LUZP2: variants seen among roughly 807,000 people sequenced by gnomAD.
LUZP2 encodes the protein leucine zipper protein 2.
In LUZP2, 52 loss-of-function variants were observed where a neutral mutation model predicts 51.6. That is an observed-to-expected ratio of 1.01 (90% CI 0.81 to 1.27). LUZP2 has a LOEUF of 1.27. LUZP2 is among the 50% of genes most tolerant of loss of function. LUZP2 has a pLI of 0.00. For synonymous variants in LUZP2, 154 were observed against 137.3 expected (o/e 1.12, Z -0.85); for missense variants, 436 against 395.4 (o/e 1.10, Z -0.87).
rs1256422188 is a variant in LUZP2, at chr11:24,991,376, A to G, written c.765+8083A>G. 6.3e-4 allele frequency among the ~76,000 whole-genome samples: 79 copies of G among 126,212 alleles called. 1 individual carries two copies. The highest frequency in any genetic ancestry group is 2.0e-3 in the African/African-American group (72 of 36,392). 82.8% of individuals were successfully genotyped at this position (126,212 alleles called of 152,430 possible). On this transcript the variant is annotated intron_variant, in intron 9 of 11. Coordinates refer to ENST00000336930, the MANE Select transcript of LUZP2 (RefSeq NM_001009909.4). Reference sequence around the variant, plus strand: ...TATATATATATGTGTGTGTATATATATGTGTGTGTGTGTGTGTGTGTATAT... The same window carrying G: ...TATATATATATGTGTGTGTATATATGTGTGTGTGTGTGTGTGTGTGTATAT...
chr11:24,705,592 G>A (rs1857553372), intron 1 of LUZP2, among the ~76,000 whole-genome samples: 1 of 152,178 alleles, frequency 6.6e-6, no homozygotes, highest in African/African-American at 2.4e-5. Flanking sequence ...GGTGGCAGAA[G>A]ATGACATGTG....
At chr11:25,050,332 T>C (rs527557745) in intron 10 of LUZP2, among the ~76,000 whole-genome samples, 11 of 139,982 alleles carry the variant, frequency 7.9e-5, no homozygotes, top group East Asian at 6.1e-4. Flanking sequence ...GACGGAGTCT[T>C]GGTCTGTCGC....
At chr11:24,568,874 C>T (rs2133794608) in intron 1 of LUZP2, among the ~76,000 whole-genome samples, 1 of 151,846 alleles carries the variant, frequency 6.6e-6, no homozygotes, top group South Asian at 2.1e-4. Flanking sequence ...AAATTTTGAC[C>T]TAAGAGACAT....
At chr11:24,914,373 G>T in intron 6 of LUZP2, 103 bp from the exon 7 acceptor site, 2 of 858,196 alleles carry the variant, frequency 2.3e-6, no homozygotes, top group Non-Finnish European at 1.9e-6. Context: ...ACTGTGCTTT[G>T]CTTGGCTGCA....
intron 1 of LUZP2, among the ~76,000 whole-genome samples, chr11:24,610,424 T>C (rs1354599754): frequency 6.6e-6 from 1 of 152,130 alleles, no homozygotes; most frequent in East Asian, 1.9e-4. Flanking sequence ...AACAAAGACA[T>C]TTTCCGTTAA....
At position 24,785,001 on chromosome 11, in the gene LUZP2, A is replaced by G. The variant is rs573642941; in HGVS notation, c.396+21693A>G. On this transcript the variant is annotated intron_variant, in intron 5 of 11. Transcript: ENST00000336930. ...CTGATTAAACTTGATCCCAATATTAATTCCACAGATCTGTGGAAGTGTGAA... is the reference window on the plus strand; with the variant it reads ...CTGATTAAACTTGATCCCAATATTAGTTCCACAGATCTGTGGAAGTGTGAA... 3.3e-5 allele frequency among the ~76,000 whole-genome samples: 5 copies of G among 152,112 alleles called. No individual in the cohort carries two copies. The East Asian group carries it at 9.7e-4, about 29-fold the overall frequency.
chr11:24,649,090 T>C (rs1165141080), intron 1 of LUZP2, among the ~76,000 whole-genome samples: 1 of 151,906 alleles, frequency 6.6e-6, no homozygotes, highest in Non-Finnish European at 1.5e-5. Context: ...AGACAAAACA[T>C]GGAGAAAACA....
chr11:24,540,440 G>GCT (rs1487364338), intron 1 of LUZP2, among the ~76,000 whole-genome samples: 1 of 152,006 alleles, frequency 6.6e-6, no homozygotes, highest in African/African-American at 2.4e-5. Flanking sequence ...GAGATTGCTT[G>GCT]CTCTCTCTCT....
chr11:24,981,557 G>A (rs548544417), intron 8 of LUZP2, among the ~76,000 whole-genome samples: 4 of 151,870 alleles, frequency 2.6e-5, no homozygotes, highest in South Asian at 2.1e-4. Context: ...ACCTGGGAAT[G>A]CAGCCCAGTA....
intron 5 of LUZP2, among the ~76,000 whole-genome samples, chr11:24,816,281 C>T (rs906823609): frequency 6.6e-6 from 1 of 150,490 alleles, no homozygotes; most frequent in Non-Finnish European, 1.5e-5. Context: ...TTTCTAAAAT[C>T]TTTTTTTTTC....
At chr11:24,756,129 T>C (rs1209076187) in intron 4 of LUZP2, among the ~76,000 whole-genome samples, 2 of 152,164 alleles carry the variant, frequency 1.3e-5, no homozygotes, top group Non-Finnish European at 2.9e-5. Flanking sequence ...AGCTTAACTG[T>C]TTTAATCAAT....
At chr11:25,001,316 T>C (rs1565211992) in intron 9 of LUZP2, among the ~76,000 whole-genome samples, 1 of 152,232 alleles carries the variant, frequency 6.6e-6, no homozygotes, top group Non-Finnish European at 1.5e-5. Context: ...TTTTCCTAAC[T>C]CTGCTTTAGG....
chr11:24,921,744 C>T (rs1366372142), intron 7 of LUZP2, among the ~76,000 whole-genome samples: 2 of 151,998 alleles, frequency 1.3e-5, no homozygotes, highest in African/African-American at 4.8e-5. Context: ...ATATTAAATG[C>T]ATATAATATG....
At chr11:24,754,542 A>T (rs887693440) in intron 4 of LUZP2, among the ~76,000 whole-genome samples, 1 of 152,126 alleles carries the variant, frequency 6.6e-6, no homozygotes, top group African/African-American at 2.4e-5. Context: ...TCCCCTAACC[A>T]CAGCACTTAC....
At chr11:24,574,073 C>T (rs1014087626) in intron 1 of LUZP2, among the ~76,000 whole-genome samples, 3 of 150,518 alleles carry the variant, frequency 2.0e-5, no homozygotes, top group Admixed American at 6.7e-5. Context: ...TCTTTCGCTT[C>T]TCTCTCCTTT....
intron 1 of LUZP2, among the ~76,000 whole-genome samples, chr11:24,591,883 G>A (rs181682951): frequency 6.6e-6 from 1 of 150,724 alleles, no homozygotes; most frequent in Non-Finnish European, 1.5e-5. Context: ...CACTGAAAAT[G>A]TTTGGAGCAA....
chr11:24,713,985 C>T (rs1218235513), intron 1 of LUZP2, among the ~76,000 whole-genome samples: 2 of 150,214 alleles, frequency 1.3e-5, no homozygotes, highest in Non-Finnish European at 3.0e-5. Flanking sequence ...CATGAGCCAC[C>T]ATGCCTGGCC....
At chr11:24,601,964 ATATATGTG>A (rs1565019836) in intron 1 of LUZP2, among the ~76,000 whole-genome samples, 8 of 128,816 alleles carry the variant, frequency 6.2e-5, no homozygotes, top group African/African-American at 2.5e-4. Context: ...GTATATATGT[ATATATGTG>A]TATATGTATA....
intron 7 of LUZP2, among the ~76,000 whole-genome samples, chr11:24,956,537 T>G (rs897830515): frequency 6.6e-6 from 1 of 152,094 alleles, no homozygotes; most frequent in African/African-American, 2.4e-5. Flanking sequence ...ACATGCTGTT[T>G]TGGAGGAATC....
Sources: allele counts gnomAD v4.1 joint callset (sites outside exome capture counted in the v4.1 genomes callset), GRCh38; gene constraint gnomAD v4.1.1; transcripts MANE v1.5; gene names NCBI Gene and HGNC (gene_info 2026-07-23, HGNC 2026-07-21).